The following ADPRM variants were observed in gnomAD, a reference collection of about 807,000 sequenced individuals.
The protein encoded by ADPRM is manganese-dependent ADP-ribose/CDP-alcohol diphosphatase.
Under a neutral mutation model 27.2 loss-of-function variants are expected in ADPRM, and 17 were observed. That is an observed-to-expected ratio of 0.63 (90% CI 0.43 to 0.94). ADPRM has a LOEUF of 0.94. Ranked by LOEUF, ADPRM falls within the 40% of genes least tolerant of loss-of-function variation. The pLI is 0.00. For missense variants in ADPRM, 337 were observed against 412.8 expected (o/e 0.82, Z 1.59); for synonymous variants, 135 against 145.3 (o/e 0.93, Z 0.51).
Position 10,697,628 on chromosome 17 carries a change from C to T in ADPRM, c.-57C>T, listed in dbSNP as rs1006291726. On this transcript the variant is annotated 5_prime_UTR_variant, in exon 1 of 4. Coordinates refer to ENST00000379774, the MANE Select transcript of ADPRM (RefSeq NM_020233.5). ...GCTCGTTGGTGGCGCTGTTACATAGCCCGTAGTCAGAGGCCTTTCAGCCCA... is the reference window on the plus strand; with the variant it reads ...GCTCGTTGGTGGCGCTGTTACATAGTCCGTAGTCAGAGGCCTTTCAGCCCA... The T allele has an allele frequency of 3.1e-6, 4 of 1,281,810 alleles. No homozygotes were observed. Among genetic ancestry groups the T allele is most frequent in the African/African-American group, 1.5e-5 (1 of 68,314 alleles). The allele number at this position is 1,281,810 out of a possible 1,614,324, so 79.4% of individuals were successfully genotyped here.
At chr17:10,707,208 A>G (rs2074818564) in intron 3 of ADPRM, among the ~76,000 whole-genome samples, 1 of 152,034 alleles carries the variant, frequency 6.6e-6, no homozygotes, top group African/African-American at 2.4e-5. Context: ...TCTCTCTACT[A>G]AAAATACAAA....
chr17:10,699,324 T>C (rs889319638), intron 1 of ADPRM: 1 of 152,068 alleles, frequency 6.6e-6, no homozygotes, highest in African/African-American at 2.4e-5. Flanking sequence ...GTAGGTGTTT[T>C]ATAACTGCAT....
In ADPRM at chr17:10,711,216, CTG is replaced by C. The variant is rs1201103390; in HGVS notation, c.*74_*75del. ...TCCTAAACAAAAAAATAAAAATCCT[CTG>C]TCTCATTGTTTAGTATTCAGCTTGC... On this transcript the variant is annotated 3_prime_UTR_variant, in exon 4 of 4. Coordinates refer to ENST00000379774, the MANE Select transcript of ADPRM (RefSeq NM_020233.5). 3.2e-6 allele frequency: 4 copies of C among 1,237,576 alleles called. No individual in the cohort carries two copies. In the East Asian group the frequency reaches 9.7e-5, roughly 30 times the overall value. The allele number at this position is 1,237,576 out of a possible 1,614,324, so 76.7% of individuals were successfully genotyped here. A position where few individuals can be genotyped will look rare whatever the true frequency, so the allele number is the denominator to read the frequency against.
Position 10,711,107 on chromosome 17 carries a change from T to C in ADPRM, c.992T>C (p.Ile331Thr). The C allele has an allele frequency of 3.1e-6, 5 of 1,611,546 alleles. No homozygotes were observed. Among genetic ancestry groups the C allele is most frequent in the Non-Finnish European group, 4.2e-6 (5 of 1,177,924 alleles). Residue 331 changes from isoleucine (I) to threonine (T), a missense_variant, in exon 4 of 4, where the codon ATT (isoleucine) becomes ACT (threonine). Ile to Thr is a moderately conservative substitution (Grantham distance 89). Transcript: ENST00000379774. The part of the protein sequence containing the change: ...LKGRGRVPDR[I>T]MNYKKERAFH... ...GGGAGAGGCAGAGTTCCAGATAGAA[T>C]TATGAATTACAAGAAAGAAAGAGCC...
intron 1 of ADPRM, among the ~76,000 whole-genome samples, chr17:10,703,671 T>A (rs1380202750): frequency 1.3e-5 from 2 of 151,434 alleles, no homozygotes; most frequent in Non-Finnish European, 2.9e-5. Flanking sequence ...GTAGGAACTC[T>A]GTAGATATAT....
chr17:10,708,450 A>AAAAAAAAAAAAAAAAAAAC (rs57337863), intron 3 of ADPRM, among the ~76,000 whole-genome samples: 2 of 118,938 alleles, frequency 1.7e-5, no homozygotes, highest in African/African-American at 3.5e-5. Context: ...AAAAAAAAAA[A>AAAAAAAAAAAAAAAAAAAC]CCTTTGAAAA....
rs140005480 is a variant in ADPRM, at chr17:10,711,141, T to C, written c.1026T>C (p.Cys342=). The change falls in exon 4 of 4, where the codon TGT becomes TGC. Residue 342 remains cysteine (C), a synonymous_variant. Transcript: ENST00000379774. ...MNYKKERAFH[C] is the part of the protein sequence containing the mutation. Reference sequence around the variant, plus strand: ...ACAAGAAAGAAAGAGCCTTCCATTGTTAGTCTAATTTATTTTAACTTGATA... The same window carrying C: ...ACAAGAAAGAAAGAGCCTTCCATTGCTAGTCTAATTTATTTTAACTTGATA... 8.9e-5 allele frequency: 142 copies of C among 1,593,662 alleles called. No individual in the cohort carries two copies. In the African/African-American group the frequency reaches 1.8e-3, roughly 20 times the overall value.
At position 10,697,657 on chromosome 17, in the gene ADPRM, G is replaced by A; in HGVS notation, c.-28G>A. 2.1e-6 allele frequency: 2 copies of A among 974,546 alleles called. No individual in the cohort carries two copies. Among genetic ancestry groups the A allele is most frequent in the Non-Finnish European group, 3.1e-6 (2 of 635,314 alleles). 60.4% of individuals were successfully genotyped at this position (974,546 alleles called of 1,614,324 possible). On this transcript the variant is annotated 5_prime_UTR_variant, in exon 1 of 4. Coordinates refer to ENST00000379774, the MANE Select transcript of ADPRM (RefSeq NM_020233.5). ...TAGTCAGAGGCCTTTCAGCCCAGGG[G>A]CCGGCGCACGGTAGGTAGTTCCCTG...
chr17:10,701,618 C>G (rs1014032207), intron 1 of ADPRM, among the ~76,000 whole-genome samples: 2 of 152,202 alleles, frequency 1.3e-5, no homozygotes, highest in South Asian at 4.1e-4. Flanking sequence ...CGTGAGCCAC[C>G]ACGCCTGGCC....
chr17:10,701,103 C>T (rs1002457472), intron 1 of ADPRM, among the ~76,000 whole-genome samples: 1 of 152,130 alleles, frequency 6.6e-6, no homozygotes, highest in Non-Finnish European at 1.5e-5. Context: ...GACTATAATT[C>T]AGTTCTGGGT....
rs576088923 is a variant in ADPRM, at chr17:10,698,742, T to A, written c.-18+1075T>A. On this transcript the variant is annotated intron_variant, in intron 1 of 3. Coordinates refer to ENST00000379774, the MANE Select transcript of ADPRM (RefSeq NM_020233.5). ...CGGTTGGACTAGAATTTTCAGAAAT[T>A]TCTGCCAAAGTTCTTAAATGTTTGT... Among the ~76,000 whole-genome samples, 30 of 152,354 alleles carry A rather than the reference T, an allele frequency of 2.0e-4. No homozygotes were observed. The South Asian group carries it at 6.0e-3, about 31-fold the overall frequency.
intron 3 of ADPRM, among the ~76,000 whole-genome samples, chr17:10,710,570 C>CGT (rs756558355): frequency 2.0e-5 from 3 of 152,158 alleles, no homozygotes; most frequent in Admixed American, 6.5e-5. Context: ...CTTGAGATGA[C>CGT]GTAGGCCTCA....
At chr17:10,703,424 AC>A (rs917280276) in intron 1 of ADPRM, among the ~76,000 whole-genome samples, 11 of 152,210 alleles carry the variant, frequency 7.2e-5, no homozygotes, top group Admixed American at 2.6e-4. Flanking sequence ...TGGTGCTGTT[AC>A]CTATTTTAGG....
chr17:10,705,451 GTCT>G lies in ADPRM; in HGVS notation c.529_531del (p.Ser177del). On this transcript the variant is annotated inframe_deletion, in exon 2 of 4. Transcript: ENST00000379774. This position sits in a 1 kb window ranked among gnomAD's most constrained non-coding sequence, Gnocchi z 5.4. ...ACTTGAGTGTCTTGGGCGTGGATCA[GTCT>G]TCTCCAAAATACGAGCAGTGTATGA... 6.2e-7 allele frequency: 1 copy of G among 1,614,020 alleles called. No individual in the cohort carries two copies. The highest frequency in any genetic ancestry group is 8.5e-7 in the Non-Finnish European group (1 of 1,180,018).
At chr17:10,698,728 G>T (rs2520165) in intron 1 of ADPRM, among the ~76,000 whole-genome samples, 1 of 152,180 alleles carries the variant, frequency 6.6e-6, no homozygotes, top group Non-Finnish European at 1.5e-5. Context: ...GGTTGGACTA[G>T]AATTTTCAGA....
intron 3 of ADPRM, among the ~76,000 whole-genome samples, chr17:10,707,472 A>G (rs2074820646): frequency 1.3e-5 from 2 of 152,376 alleles, no homozygotes; most frequent in South Asian, 4.1e-4. Context: ...CAATCAGCTT[A>G]TAAAGGAGCT....
In ADPRM at chr17:10,705,456, C is replaced by T. The variant is rs1304407521; in HGVS notation, c.530C>T (p.Ser177Phe). 3 of 1,614,052 alleles carry T rather than the reference C, an allele frequency of 1.9e-6. No individual in the cohort carries two copies. The highest frequency in any genetic ancestry group is 2.2e-5 in the East Asian group (1 of 44,864). Residue 177 changes from serine to phenylalanine, a missense_variant, in exon 2 of 4, where the codon TCT (serine) becomes TTT (phenylalanine). Physicochemically the swap from Ser to Phe is radical, Grantham distance 155. Transcript: ENST00000379774. The surrounding 1 kb of genome is among the most constrained non-coding windows in gnomAD (Gnocchi z 5.4). ...AGTGTCTTGGGCGTGGATCAGTCTT[C>T]TCCAAAATACGAGCAGTGTATGAAG... ...DLSVLGVDQSSPKYEQCMKIL... is the reference protein window; with the variant it reads ...DLSVLGVDQSFPKYEQCMKIL...
At position 10,702,887 on chromosome 17, in the gene ADPRM, C is replaced by T. The variant is rs1372500140; in HGVS notation, c.-17-2023C>T. ...TGGGTAGGCAAAAATAACAGCTGTCCACTGGAGAGAAGATCCAATTCATTG... is the reference window on the plus strand; with the variant it reads ...TGGGTAGGCAAAAATAACAGCTGTCTACTGGAGAGAAGATCCAATTCATTG... On this transcript the variant is annotated intron_variant, in intron 1 of 3. Transcript: ENST00000379774. The surrounding 1 kb of genome is among the most constrained non-coding windows in gnomAD (Gnocchi z 4.2). Among the ~76,000 whole-genome samples, 1 of 152,108 alleles carries T rather than the reference C, an allele frequency of 6.6e-6. No individual in the cohort carries two copies. The highest frequency in any genetic ancestry group is 1.5e-5 in the Non-Finnish European group (1 of 68,010).
At chr17:10,699,518 CTTTTTTTTTT>C (rs781412834) in intron 1 of ADPRM, among the ~76,000 whole-genome samples, 1 of 113,340 alleles carries the variant, frequency 8.8e-6, no homozygotes, top group African/African-American at 3.4e-5. Context: ...TCTTTTCTTT[CTTTTTTTTTT>C]TTTTTTTTTT....
Sources: allele counts gnomAD v4.1 joint callset (sites outside exome capture counted in the v4.1 genomes callset), GRCh38; gene constraint gnomAD v4.1.1; non-coding constraint Gnocchi (gnomAD v3.1); transcripts MANE v1.5; gene names NCBI Gene and HGNC (gene_info 2026-07-23, HGNC 2026-07-21).